The following PCNX2 variants were observed in gnomAD, a reference collection of about 807,000 sequenced individuals.
PCNX2 encodes pecanex-like protein 2.
Under a neutral mutation model 223.8 loss-of-function variants are expected in PCNX2, and 168 were observed. The observed-to-expected ratio is 0.75, with a 90% CI of 0.66 to 0.85. PCNX2 has a LOEUF of 0.85. Ranked by LOEUF, PCNX2 falls within the 40% of genes least tolerant of loss-of-function variation. The probability of loss-of-function intolerance (pLI) is 0.00; values close to 1 mark genes in which losing one functional copy is unlikely to be tolerated. For missense variants in PCNX2, 2,507 were observed against 2,675.5 expected (o/e 0.94, Z 1.39); for synonymous variants, 1,006 against 1,052.6 (o/e 0.96, Z 0.86).
chr1:233,111,622 T>G (rs1675122916), intron 21 of PCNX2, among the ~76,000 whole-genome samples: 1 of 152,058 alleles, frequency 6.6e-6, no homozygotes, highest in South Asian at 2.1e-4. Flanking sequence ...CAGGGTGGTC[T>G]TGAATGCCTG....
chr1:233,194,934 G>A (rs376275392), intron 15 of PCNX2, among the ~76,000 whole-genome samples: 7 of 150,862 alleles, frequency 4.6e-5, no homozygotes, highest in East Asian at 1.9e-4. Context: ...GGAGAATGGC[G>A]TGAACCCAGG....
chr1:233,076,898 G>C (rs1673121137), intron 23 of PCNX2, among the ~76,000 whole-genome samples: 1 of 152,170 alleles, frequency 6.6e-6, no homozygotes, highest in Non-Finnish European at 1.5e-5. Context: ...GAACAAGTCT[G>C]CAGCTGTAAG....
intron 15 of PCNX2, among the ~76,000 whole-genome samples, chr1:233,196,021 A>T (rs924898553): frequency 1.3e-5 from 2 of 152,218 alleles, no homozygotes; most frequent in African/African-American, 4.8e-5. Context: ...ATTTCAAAGC[A>T]TATTATATAG....
chr1:233,227,701 A>G (rs1657829546), intron 9 of PCNX2, among the ~76,000 whole-genome samples: 2 of 152,222 alleles, frequency 1.3e-5, no homozygotes, highest in Admixed American at 1.3e-4. Context: ...AATAGTTCTT[A>G]TGAAAAGTAG....
chr1:233,025,465 T>C, intron 25 of PCNX2, 66 bp from the exon 26 acceptor site: 44 of 1,577,086 alleles, frequency 2.8e-5, no homozygotes, highest in Non-Finnish European at 3.7e-5. Context: ...CTTCAACGGA[T>C]TTCCCCATGC....
At chr1:233,096,087 C>T (rs532488907) in intron 21 of PCNX2, among the ~76,000 whole-genome samples, 4 of 152,268 alleles carry the variant, frequency 2.6e-5, no homozygotes, top group South Asian at 2.1e-4. Flanking sequence ...TTAATCTCAA[C>T]GGATTTATTA....
chr1:232,985,957 C>T (rs1211196346), intron 33 of PCNX2, 135 bp downstream of exon 33: 1 of 978,826 alleles, frequency 1.0e-6, no homozygotes, highest in African/African-American at 1.6e-5. Context: ...TCCTTTGTCA[C>T]TCTGGGAGCC....
At chr1:233,104,888 T>C (rs1674677365) in intron 21 of PCNX2, among the ~76,000 whole-genome samples, 1 of 152,136 alleles carries the variant, frequency 6.6e-6, no homozygotes, top group Admixed American at 6.5e-5. Flanking sequence ...TGGATTTGCA[T>C]GTAATAAAAA....
the PCNX2 span, among the ~76,000 whole-genome samples, chr1:233,309,304 GGC>G: frequency 6.6e-6 from 1 of 152,112 alleles, no homozygotes; most frequent in East Asian, 1.9e-4. Flanking sequence ...GGCTTTGGGA[GGC>G]CAAGGTAGGT....
chr1:233,161,907 A>G (rs1678503715), intron 17 of PCNX2, among the ~76,000 whole-genome samples: 1 of 150,846 alleles, frequency 6.6e-6, no homozygotes, highest in Non-Finnish European at 1.5e-5. Flanking sequence ...TTTGCATTTT[A>G]ATTTACCAGT....
intron 8 of PCNX2, 52 bp downstream of exon 8, chr1:233,250,687 T>C (rs1659398608): frequency 6.5e-7 from 1 of 1,529,464 alleles, no homozygotes; most frequent in Non-Finnish European, 8.8e-7. Flanking sequence ...TTCATCGCTG[T>C]GTCTCCCAGC....
intron 15 of PCNX2, 36 bp from the exon 16 acceptor site, chr1:233,179,211 C>T (rs1228230219): frequency 1.4e-5 from 22 of 1,599,436 alleles, no homozygotes; most frequent in African/African-American, 1.3e-4. Context: ...AGTCACTCCA[C>T]AGCTGTGTGA....
At chr1:233,130,752 G>A (rs1265612953) in intron 21 of PCNX2, among the ~76,000 whole-genome samples, 1 of 151,934 alleles carries the variant, frequency 6.6e-6, no homozygotes, top group Non-Finnish European at 1.5e-5. Context: ...CAAAGTTCTG[G>A]GATTACAGGT....
At chr1:233,161,414 C>A in intron 17 of PCNX2, 51 bp from the exon 18 acceptor site, 1 of 1,479,718 alleles carries the variant, frequency 6.8e-7, no homozygotes, top group Non-Finnish European at 9.4e-7. Flanking sequence ...CTCTCAGCAA[C>A]TCTGTGTAAC....
At chr1:233,194,731 G>C (rs997084528) in intron 15 of PCNX2, among the ~76,000 whole-genome samples, 7 of 151,954 alleles carry the variant, frequency 4.6e-5, no homozygotes, top group African/African-American at 1.5e-4. Context: ...GAAAAGAAAA[G>C]TTAGGCTGGG....
chr1:233,087,733 T>C (rs1223007241), intron 23 of PCNX2, among the ~76,000 whole-genome samples: 1 of 152,228 alleles, frequency 6.6e-6, no homozygotes, highest in African/African-American at 2.4e-5. Flanking sequence ...AAGGCAACAA[T>C]AGACCTTCAG....
At chr1:233,123,778 C>G (rs986622848) in intron 21 of PCNX2, among the ~76,000 whole-genome samples, 1 of 151,986 alleles carries the variant, frequency 6.6e-6, no homozygotes, top group African/African-American at 2.4e-5. Context: ...TCACAAGGAA[C>G]CTTCATTGTC....
chr1:233,119,403 CAAAAAAAA>C (rs71173251), intron 21 of PCNX2, among the ~76,000 whole-genome samples: 2,168 of 38,548 alleles, frequency 0.056, 8 homozygotes, highest in African/African-American at 0.09. Context: ...ACTAAAAATA[CAAAAAAAA>C]AAAAAAAAAA....
intron 15 of PCNX2, among the ~76,000 whole-genome samples, chr1:233,192,730 G>A (rs1474322154): frequency 3.9e-5 from 6 of 151,914 alleles, no homozygotes; most frequent in Non-Finnish European, 7.4e-5. Flanking sequence ...CAATTTATCA[G>A]TAGACCAAAC....
Sources: gnomAD v4.1 joint callset for allele counts (sites outside exome capture counted in the v4.1 genomes callset) on GRCh38, gnomAD v4.1.1 for gene constraint, MANE v1.5 for transcripts, NCBI Gene and HGNC (gene_info 2026-07-23, HGNC 2026-07-21) for gene names.